The following MYOT variants were observed in gnomAD, a reference collection of about 807,000 sequenced individuals.
The protein encoded by MYOT is myotilin, also known as 57 kDa cytoskeletal protein.
In MYOT, 36 loss-of-function variants were observed where a neutral mutation model predicts 58.0. The observed-to-expected ratio is 0.62, with a 90% CI of 0.48 to 0.82. The LOEUF (loss-of-function observed/expected upper bound fraction) is 0.82. Ranked by LOEUF, MYOT falls within the 40% of genes least tolerant of loss-of-function variation. The pLI is 0.00. For synonymous variants in MYOT, 218 were observed against 204.6 expected (o/e 1.07, Z -0.56); for missense variants, 505 against 592.1 (o/e 0.85, Z 1.53).
chr5:137,883,053 A>G (rs1003491941), intron 6 of MYOT: 6 of 285,080 alleles, frequency 2.1e-5, no homozygotes, highest in East Asian at 9.3e-5. Flanking sequence ...AGTCACATTT[A>G]GCCAGAAAAG....
At position 137,883,504 on chromosome 5, in the gene MYOT, G is replaced by C. The variant is rs760955035; in HGVS notation, c.937G>C (p.Val313Leu). The change falls in exon 7 of 10, where the codon GTC becomes CTC. Residue 313 changes from valine (V) to leucine (L), a missense_variant. Transcript: ENST00000239926. ...TCTTCATTCACTCATCTTTGAAGTAGTCAGAGCTTCAGATGCAGGGGCTTA... is the reference window on the plus strand; with the variant it reads ...TCTTCATTCACTCATCTTTGAAGTACTCAGAGCTTCAGATGCAGGGGCTTA... The part of the protein sequence containing the change: ...KGLHSLIFEV[V>L]RASDAGAYAC... 9 of 1,614,034 alleles carry C rather than the reference G, an allele frequency of 5.6e-6. No individual in the cohort carries two copies. Among genetic ancestry groups the C allele is most frequent in the Middle Eastern group, 3.3e-4 (2 of 6,084 alleles).
intron 8 of MYOT, 121 bp from the exon 9 acceptor site, chr5:137,886,742 TA>T: frequency 1.3e-6 from 1 of 793,406 alleles, no homozygotes. Context: ...TATTTGGCAA[TA>T]AATAGATACA....
chr5:137,884,323 C>T (rs571324826), intron 7 of MYOT, among the ~76,000 whole-genome samples: 1 of 152,242 alleles, frequency 6.6e-6, no homozygotes, highest in South Asian at 2.1e-4. Flanking sequence ...CACTGTACTC[C>T]GGCCTGGGTG....
rs1046184199 is a variant in MYOT at position 137,887,564 on chromosome 5, G to A, written c.*179G>A. On this transcript the variant is annotated 3_prime_UTR_variant, in exon 10 of 10. Coordinates refer to ENST00000239926, the MANE Select transcript of MYOT (RefSeq NM_006790.3). ...TCTTGCACATTCTATGTACCCCTCC[G>A]ATTTGTGAAGCCTACAGGAAATCTG... 2.1e-5 allele frequency: 7 copies of A among 339,006 alleles called. No individual in the cohort carries two copies. The highest frequency in any genetic ancestry group is 2.9e-5 in the Non-Finnish European group (6 of 204,920). The allele number at this position is 339,006 out of a possible 1,614,324, so 21.0% of individuals were successfully genotyped here.
At chr5:137,884,958 C>T (rs1755549981) in intron 7 of MYOT, among the ~76,000 whole-genome samples, 1 of 151,936 alleles carries the variant, frequency 6.6e-6, no homozygotes, top group Non-Finnish European at 1.5e-5. Context: ...TACCAAAGGG[C>T]CTCAATCTCA....
Position 137,881,934 on chromosome 5 carries a change from T to C in MYOT, c.684-39T>C, listed in dbSNP as rs371184921. ...ATTTGTGCAAAATGAAAAGCAATGA[T>C]AATATTTACGCATAGTTGTTACCAA... On this transcript the variant is annotated intron_variant, in intron 5 of 9. Coordinates refer to ENST00000239926, the MANE Select transcript of MYOT (RefSeq NM_006790.3). 6 of 1,604,906 alleles carry C rather than the reference T, an allele frequency of 3.7e-6. No homozygotes were observed. The South Asian group carries it at 5.5e-5, about 15-fold the overall frequency.
Position 137,886,926 on chromosome 5 carries a change from C to G in MYOT, c.1253C>G (p.Ala418Gly). Residue 418 changes from alanine to glycine, a missense_variant, in exon 9 of 10, where the codon GCT (alanine) becomes GGT (glycine). By Grantham distance (60) the Ala-to-Gly change is moderately conservative (BLOSUM62 0). Transcript: ENST00000239926. Reference sequence around the variant, plus strand: ...ATAAAAGATGTAAACAAGAAAGATGCTGGGTGGTATACTGTGTCAGCAGTT... The same window carrying G: ...ATAAAAGATGTAAACAAGAAAGATGGTGGGTGGTATACTGTGTCAGCAGTT... ...LLIKDVNKKD[A>G]GWYTVSAVNE... The G allele has an allele frequency of 6.2e-7, 1 of 1,604,010 alleles. No individual in the cohort carries two copies.
At position 137,883,547 on chromosome 5, in the gene MYOT, A is replaced by G. The variant is rs1389819326; in HGVS notation, c.980A>G (p.Asn327Ser). 2.5e-6 allele frequency: 4 copies of G among 1,614,184 alleles called. No homozygotes were observed. Among genetic ancestry groups the G allele is most frequent in the Non-Finnish European group, 2.5e-6 (3 of 1,180,022 alleles). The change falls in exon 7 of 10, where the codon AAT becomes AGT. Residue 327 changes from asparagine to serine, a missense_variant. By Grantham distance (46) the Asn-to-Ser change is conservative. Coordinates refer to ENST00000239926, the MANE Select transcript of MYOT (RefSeq NM_006790.3). ...GGGGCTTATGCATGTGTTGCCAAGA[A>G]TAGAGCAGGAGAAGCCACCTTCACT... Reference protein sequence around the residue: ...DAGAYACVAKNRAGEATFTVQ... With the variant: ...DAGAYACVAKSRAGEATFTVQ...
At position 137,871,008 on chromosome 5, in the gene MYOT, G is replaced by A. The variant is rs111277574; in HGVS notation, c.356+1G>A. 2 of 1,611,564 alleles carry A rather than the reference G, an allele frequency of 1.2e-6. No individual in the cohort carries two copies. The highest frequency in any genetic ancestry group is 1.3e-5 in the African/African-American group (1 of 75,000). Reference sequence around the variant, plus strand: ...AAATCCCTTCCGCTATGGATTCCAAGTAAGTGAATTTTTATATACCGCATG... The same window carrying A: ...AAATCCCTTCCGCTATGGATTCCAAATAAGTGAATTTTTATATACCGCATG... On this transcript the variant is annotated splice_donor_variant, in intron 2 of 9. Transcript: ENST00000239926. LOFTEE classifies it high-confidence loss of function.
intron 4 of MYOT, 79 bp downstream of exon 4, chr5:137,877,700 A>G: frequency 1.9e-6 from 2 of 1,040,708 alleles, no homozygotes; most frequent in South Asian, 2.6e-5. Context: ...GCTTATAAAT[A>G]GCATCTGAAA....
intron 4 of MYOT, among the ~76,000 whole-genome samples, chr5:137,880,462 T>C (rs1755390012): frequency 2.0e-5 from 3 of 152,222 alleles, no homozygotes; most frequent in Admixed American, 2.0e-4. Flanking sequence ...TCTATTCCTG[T>C]TTTACTAAAG....
At chr5:137,874,073 T>C (rs567603145) in intron 2 of MYOT, among the ~76,000 whole-genome samples, 4 of 152,340 alleles carry the variant, frequency 2.6e-5, no homozygotes, top group South Asian at 4.1e-4. Flanking sequence ...GAGACCAAGA[T>C]TGTCTCATCT....
At chr5:137,869,816 C>A (rs1419556260) in intron 1 of MYOT, among the ~76,000 whole-genome samples, 1 of 152,044 alleles carries the variant, frequency 6.6e-6, no homozygotes, top group African/African-American at 2.4e-5. Context: ...AGGTATGATT[C>A]TGTTTAAAAA....
At chr5:137,878,156 C>T (rs1042224436) in intron 4 of MYOT, among the ~76,000 whole-genome samples, 4 of 151,830 alleles carry the variant, frequency 2.6e-5, no homozygotes, top group African/African-American at 9.7e-5. Context: ...ACAAATGTAT[C>T]CTTTCCAAGA....
rs951032282 is a variant in MYOT, at chr5:137,887,782, T to C, written c.*397T>C. 6.3e-6 allele frequency: 1 copy of C among 158,434 alleles called. No homozygotes were observed. Among genetic ancestry groups the C allele is most frequent in the African/African-American group, 2.4e-5 (1 of 41,526 alleles). The allele number at this position is 158,434 out of a possible 1,614,324, so 9.8% of individuals were successfully genotyped here. On this transcript the variant is annotated 3_prime_UTR_variant, in exon 10 of 10. Coordinates refer to ENST00000239926, the MANE Select transcript of MYOT (RefSeq NM_006790.3). ...GTTTTCTCTTGTAGGAATACTAACATGGTATAGATTATCTGAGTGTTCCAC... is the reference window on the plus strand; with the variant it reads ...GTTTTCTCTTGTAGGAATACTAACACGGTATAGATTATCTGAGTGTTCCAC...
In MYOT at chr5:137,879,466, T is replaced by C. The variant is rs180804131; in HGVS notation, c.634-1350T>C. Among the ~76,000 whole-genome samples the C allele has an allele frequency of 2.5e-3, 371 of 150,404 alleles. 2 individuals carry two copies. Among genetic ancestry groups the C allele is most frequent in the African/African-American group, 8.5e-3 (350 of 41,118 alleles). On this transcript the variant is annotated intron_variant, in intron 4 of 9. Transcript: ENST00000239926. ...ATAGCAAAAATGAGACACAAACTCATCACTATTAGGGGAATTACTCAAAGC... is the reference window on the plus strand; with the variant it reads ...ATAGCAAAAATGAGACACAAACTCACCACTATTAGGGGAATTACTCAAAGC...
At chr5:137,876,932 A>G (rs1322139937) in intron 3 of MYOT, among the ~76,000 whole-genome samples, 1 of 152,156 alleles carries the variant, frequency 6.6e-6, no homozygotes, top group Non-Finnish European at 1.5e-5. Flanking sequence ...CCCTTTACTT[A>G]GGAGATCCTT....
At position 137,878,695 on chromosome 5, in the gene MYOT, C is replaced by T. The variant is rs575132440; in HGVS notation, c.633+1074C>T. ...AAAATTAGCTGGGCGTGGTGGCCTG[C>T]GCCTGTAGTCCCAGCTACTCAGGAG... is the stretch of plus-strand genomic sequence containing the variant. On this transcript the variant is annotated intron_variant, in intron 4 of 9. Coordinates refer to ENST00000239926, the MANE Select transcript of MYOT (RefSeq NM_006790.3). 9.5e-4 allele frequency among the ~76,000 whole-genome samples: 145 copies of T among 151,890 alleles called. No homozygotes were observed. In the Middle Eastern group the frequency reaches 0.027, roughly 29 times the overall value.
chr5:137,885,794 A>G (rs866049414), intron 7 of MYOT, among the ~76,000 whole-genome samples: 69 of 150,262 alleles, frequency 4.6e-4, no homozygotes, highest in African/African-American at 1.4e-3. Flanking sequence ...AAAAAAAAAA[A>G]AAAAAAAGAA....
Sources: allele counts gnomAD v4.1 joint callset (sites outside exome capture counted in the v4.1 genomes callset), GRCh38; gene constraint gnomAD v4.1.1; transcripts MANE v1.5; gene names NCBI Gene and HGNC (gene_info 2026-07-23, HGNC 2026-07-21).